STRBP: variants seen among roughly 807,000 people sequenced by gnomAD.
The protein encoded by STRBP is spermatid perinuclear RNA-binding protein.
A neutral mutation model predicts 80.1 loss-of-function variants in STRBP; 13 were observed. The ratio of observed to expected loss-of-function variants is 0.16; its 90% CI spans 0.11 to 0.26. The LOEUF is 0.26. Among genes scored for constraint, STRBP ranks in the 10% least tolerant of loss-of-function variants. STRBP has a pLI of 1.00. For synonymous variants in STRBP, 284 were observed against 291.2 expected, an observed-to-expected ratio of 0.98 and a Z score of 0.25; for missense variants, 485 against 815.2, an observed-to-expected ratio of 0.59 and a Z score of 4.93.
intron 6 of STRBP, chr9:123,168,279 T>C: frequency 1.0e-6 from 1 of 967,558 alleles, no homozygotes; most frequent in Non-Finnish European, 1.2e-6. Context: ...AATTAAGCCA[T>C]TTAAGATTGG....
Position 123,110,326 on chromosome 9 carries a change from C to G in STRBP, c.*85-573G>C, listed in dbSNP as rs781026719. On this transcript the variant is annotated intron_variant and NMD_transcript_variant, in intron 3 of 3. Coordinates refer to the STRBP transcript ENST00000471564. This position sits in a 1 kb window ranked among gnomAD's most constrained non-coding sequence, Gnocchi z 4.1. ...GATGAACCTGGCCCTAGGCCAGCCC[C>G]TTCCCCAGCACCCCCTGCCAAAGTA... 1 of 161,000 alleles carries G rather than the reference C, an allele frequency of 6.2e-6. No individual in the cohort carries two copies. Among genetic ancestry groups the G allele is most frequent in the Non-Finnish European group, 1.5e-5 (1 of 68,184 alleles). 10.0% of individuals were successfully genotyped at this position (161,000 alleles called of 1,614,324 possible).
intron 1 of STRBP, among the ~76,000 whole-genome samples, chr9:123,244,375 T>A (rs1477903199): frequency 6.6e-6 from 1 of 152,142 alleles, no homozygotes; most frequent in Non-Finnish European, 1.5e-5. Flanking sequence ...ACTGTAACAG[T>A]GGACACATGT....
chr9:123,163,429 AG>A (rs2037611624), intron 6 of STRBP, among the ~76,000 whole-genome samples: 1 of 152,230 alleles, frequency 6.6e-6, no homozygotes, highest in South Asian at 2.1e-4. Context: ...TCTATGAAAA[AG>A]AGATGAAAGG....
chr9:123,178,608 T>G (rs186767288), intron 4 of STRBP, among the ~76,000 whole-genome samples: 21 of 152,316 alleles, frequency 1.4e-4, no homozygotes, highest in Admixed American at 1.3e-3. Flanking sequence ...ACACTCTTTC[T>G]TCTACACAAG....
chr9:123,182,668 G>C (rs1047468105), intron 3 of STRBP, among the ~76,000 whole-genome samples: 1 of 152,110 alleles, frequency 6.6e-6, no homozygotes, highest in Non-Finnish European at 1.5e-5. Context: ...AGCTGATTAA[G>C]TTATAATCCT....
chr9:123,179,378 G>A, intron 3 of STRBP, 151 bp from the exon 4 acceptor site: 2 of 634,172 alleles, frequency 3.2e-6, no homozygotes, highest in Non-Finnish European at 5.3e-6. Context: ...CTCCAGCGTG[G>A]GAAGTAAAAT....
chr9:123,257,795 C>T (rs1297695286), intron 1 of STRBP, among the ~76,000 whole-genome samples: 2 of 151,676 alleles, frequency 1.3e-5, no homozygotes, highest in African/African-American at 2.4e-5. Flanking sequence ...CCAGCCTGGG[C>T]AACAGAACAA....
At chr9:123,139,467 C>T in intron 14 of STRBP, 62 bp downstream of exon 14, 2 of 1,318,828 alleles carry the variant, frequency 1.5e-6, no homozygotes, top group Non-Finnish European at 2.0e-6. Flanking sequence ...TTTTCCACAT[C>T]TCTCAAATTT....
At chr9:123,152,187 G>A (rs2037086484) in intron 11 of STRBP, among the ~76,000 whole-genome samples, 1 of 152,016 alleles carries the variant, frequency 6.6e-6, no homozygotes, top group East Asian at 1.9e-4. Context: ...CACACCAATG[G>A]CTTCACTGAT....
At position 123,123,462 on chromosome 9, in the gene STRBP, G is replaced by T; in HGVS notation, c.*2135C>A. 1 of 983,588 alleles carries T rather than the reference G, an allele frequency of 1.0e-6. No individual in the cohort carries two copies. Among genetic ancestry groups the T allele is most frequent in the Non-Finnish European group, 1.2e-6 (1 of 829,720 alleles). The allele number at this position is 983,588 out of a possible 1,614,324, so 60.9% of individuals were successfully genotyped here. On this transcript the variant is annotated 3_prime_UTR_variant, in exon 19 of 19. Coordinates refer to ENST00000348403, the MANE Select transcript of STRBP (RefSeq NM_018387.5). ...GCTCGATTATTTTAAGTAAAGCAGA[G>T]AAATGTAAAAGTTTGCAGCAACTGG...
intron 17 of STRBP, among the ~76,000 whole-genome samples, chr9:123,129,444 T>A (rs139004711): frequency 6.6e-6 from 1 of 152,304 alleles, no homozygotes; most frequent in African/African-American, 2.4e-5. Flanking sequence ...ACCATGGCAC[T>A]TTTACACAGT....
At chr9:123,243,393 A>G (rs2040738992) in intron 1 of STRBP, among the ~76,000 whole-genome samples, 1 of 152,184 alleles carries the variant, frequency 6.6e-6, no homozygotes, top group Non-Finnish European at 1.5e-5. Flanking sequence ...CTTTTAGGAA[A>G]AAATCTTTGG....
intron 5 of STRBP, among the ~76,000 whole-genome samples, chr9:123,171,896 T>C (rs1413715595): frequency 6.6e-6 from 1 of 152,162 alleles, no homozygotes; most frequent in African/African-American, 2.4e-5. Context: ...CCCTCCAGGG[T>C]AACCCCCTTG....
At chr9:123,191,743 G>T (rs1322401403) in intron 2 of STRBP, among the ~76,000 whole-genome samples, 1 of 152,050 alleles carries the variant, frequency 6.6e-6, no homozygotes, top group Non-Finnish European at 1.5e-5. Flanking sequence ...ATAAAAACAG[G>T]CAATGGGCCA....
At chr9:123,206,178 T>C (rs1478050681) in intron 2 of STRBP, among the ~76,000 whole-genome samples, 5 of 152,234 alleles carry the variant, frequency 3.3e-5, no homozygotes, top group Admixed American at 3.3e-4. Context: ...TAAGTCTACC[T>C]GAATATGATT....
At position 123,122,646 on chromosome 9, in the gene STRBP, C is replaced by T; in HGVS notation, c.*2951G>A. 1.9e-6 allele frequency: 2 copies of T among 1,025,896 alleles called. No homozygotes were observed. The highest frequency in any genetic ancestry group is 2.3e-6 in the Non-Finnish European group (2 of 855,920). The allele number at this position is 1,025,896 out of a possible 1,614,324, so 63.5% of individuals were successfully genotyped here. A position where few individuals can be genotyped will look rare whatever the true frequency, so the allele number is the denominator to read the frequency against. ...ATTACCTTGCACAAGAGATGGGGTA[C>T]TCCTGCAGCCTGAAGAAACACAAGC... On this transcript the variant is annotated 3_prime_UTR_variant, in exon 19 of 19. Coordinates refer to ENST00000348403, the MANE Select transcript of STRBP (RefSeq NM_018387.5).
chr9:123,111,099 C>T (rs2035558750), intron 3 of STRBP: 1 of 167,238 alleles, frequency 6.0e-6, no homozygotes, highest in African/African-American at 2.4e-5. Flanking sequence ...CAAATCAAAC[C>T]TCATGCACCA....
At chr9:123,236,499 C>T (rs2040566820) in intron 2 of STRBP, among the ~76,000 whole-genome samples, 1 of 152,112 alleles carries the variant, frequency 6.6e-6, no homozygotes, top group African/African-American at 2.4e-5. Context: ...TCTTAACGTA[C>T]TTTCTGAATC....
intron 11 of STRBP, among the ~76,000 whole-genome samples, chr9:123,148,986 T>G (rs2036941501): frequency 6.6e-6 from 1 of 152,190 alleles, no homozygotes. Flanking sequence ...GGCAGCAGTT[T>G]TGCTGTCCAA....
Sources: gnomAD v4.1 joint callset for allele counts (sites outside exome capture counted in the v4.1 genomes callset) on GRCh38, gnomAD v4.1.1 for gene constraint, Gnocchi (gnomAD v3.1) non-coding constraint, MANE v1.5 for transcripts, NCBI Gene and HGNC (gene_info 2026-07-23, HGNC 2026-07-21) for gene names.